Variants in SPTLC3 observed in about 807,000 individuals in gnomAD.
SPTLC3 encodes the protein serine palmitoyltransferase long chain base subunit 3.
In SPTLC3, 36 loss-of-function variants were observed where a neutral mutation model predicts 59.3. The observed-to-expected ratio is 0.61, with a 90% CI of 0.47 to 0.80. The LOEUF is 0.80. SPTLC3 is among the 30% of genes least tolerant of loss of function. SPTLC3 has a pLI of 0.00. For missense variants in SPTLC3, 625 were observed against 685.1 expected (o/e 0.91, Z 0.98); for synonymous variants, 257 against 240.8 (o/e 1.07, Z -0.62).
intron 9 of SPTLC3, among the ~76,000 whole-genome samples, chr20:13,149,684 AC>A (rs1302244933): frequency 1.3e-5 from 2 of 152,208 alleles, no homozygotes; most frequent in Non-Finnish European, 2.9e-5. Flanking sequence ...GAAGAATAAA[AC>A]ATTTAGTTCT....
Position 13,088,880 on chromosome 20 carries a change from C to T in SPTLC3, c.608-2203C>T, listed in dbSNP as rs192236890. On this transcript the variant is annotated intron_variant, in intron 4 of 11. Transcript: ENST00000399002. ...TCCTGACCTTAGGTAATCTGCCCGC[C>T]TCAGTCTCCCAAAGTGCTGGGATTA... is the stretch of plus-strand genomic sequence containing the variant. Among the ~76,000 whole-genome samples the T allele has an allele frequency of 3.8e-3, 573 of 151,736 alleles. 7 individuals are homozygous for T. The highest frequency in any genetic ancestry group is 0.024 in the Middle Eastern group (7 of 292).
rs1458964596 is a variant in SPTLC3 at position 13,165,316 on chromosome 20, A to G, written c.*449A>G. The G allele has an allele frequency of 6.3e-6, 1 of 157,536 alleles. No individual in the cohort carries two copies. The highest frequency in any genetic ancestry group is 1.4e-5 in the Non-Finnish European group (1 of 71,050). The allele number at this position is 157,536 out of a possible 1,614,324, so 9.8% of individuals were successfully genotyped here. A position where few individuals can be genotyped will look rare whatever the true frequency, so the allele number is the denominator to read the frequency against. ...AGCCACCTTCCTTGTTCCACTCATA[A>G]AAGCATCAGCTAGATCTCATCTGTA... On this transcript the variant is annotated 3_prime_UTR_variant, in exon 12 of 12. Transcript: ENST00000399002.
chr20:13,028,650 T>A (rs2122420143), intron 1 of SPTLC3, among the ~76,000 whole-genome samples: 1 of 152,306 alleles, frequency 6.6e-6, no homozygotes, highest in Non-Finnish European at 1.5e-5. Context: ...TGTTATAGAC[T>A]AGTATTTAGG....
At chr20:13,147,349 T>TA (rs1273107725) in intron 9 of SPTLC3, among the ~76,000 whole-genome samples, 9 of 152,206 alleles carry the variant, frequency 5.9e-5, no homozygotes, top group Non-Finnish European at 1.3e-4. Flanking sequence ...ATGTGATTCT[T>TA]ATGATTCTTG....
At chr20:13,075,825 TAAC>T (rs918068347) in intron 4 of SPTLC3, among the ~76,000 whole-genome samples, 4 of 152,264 alleles carry the variant, frequency 2.6e-5, no homozygotes, top group African/African-American at 9.6e-5. Flanking sequence ...ACATTCCTGA[TAAC>T]AACCCCCCAA....
chr20:13,041,604 T>C (rs1192451019), intron 1 of SPTLC3, among the ~76,000 whole-genome samples: 1 of 152,216 alleles, frequency 6.6e-6, no homozygotes, highest in East Asian at 1.9e-4. Flanking sequence ...ATCTTGGTCC[T>C]TCTCATAAGC....
Position 13,091,303 on chromosome 20 carries a change from G to T in SPTLC3, c.732+96G>T, listed in dbSNP as rs560943957. ...TTAGAAGTATGGCTGAGATGGGCAC[G>T]GTGGTTCACGCCTGTAATCCTAGCA... On this transcript the variant is annotated intron_variant, in intron 5 of 11. Coordinates refer to ENST00000399002, the MANE Select transcript of SPTLC3 (RefSeq NM_018327.4). 4.7e-6 allele frequency: 7 copies of T among 1,476,324 alleles called. No individual in the cohort carries two copies. The East Asian group carries it at 9.5e-5, about 20-fold the overall frequency. The allele number at this position is 1,476,324 out of a possible 1,614,324, so 91.5% of individuals were successfully genotyped here. A position where few individuals can be genotyped will look rare whatever the true frequency, so the allele number is the denominator to read the frequency against.
At chr20:13,014,316 G>A (rs1240801075) in intron 1 of SPTLC3, among the ~76,000 whole-genome samples, 1 of 152,206 alleles carries the variant, frequency 6.6e-6, no homozygotes, top group African/African-American at 2.4e-5. Context: ...GAACACAGAA[G>A]AATGTGTATC....
intron 8 of SPTLC3, among the ~76,000 whole-genome samples, chr20:13,124,704 A>G (rs2122783174): frequency 6.6e-6 from 1 of 152,314 alleles, no homozygotes; most frequent in East Asian, 1.9e-4. Context: ...ACTGTAAGGC[A>G]GGCCACACAC....
At chr20:13,049,239 A>T in intron 2 of SPTLC3, 109 bp downstream of exon 2, 1 of 1,245,492 alleles carries the variant, frequency 8.0e-7, no homozygotes, top group Non-Finnish European at 1.1e-6. Flanking sequence ...GTGCTCAGGA[A>T]CTATTCAGGG....
chr20:13,091,001 T>C, intron 4 of SPTLC3, 82 bp from the exon 5 acceptor site: 1 of 1,557,798 alleles, frequency 6.4e-7, no homozygotes, highest in Non-Finnish European at 8.7e-7. Flanking sequence ...CTTTTGGTGA[T>C]GTGTACGTAC....
At chr20:13,059,103 C>T (rs1987844896) in intron 2 of SPTLC3, among the ~76,000 whole-genome samples, 1 of 152,252 alleles carries the variant, frequency 6.6e-6, no homozygotes, top group South Asian at 2.1e-4. Context: ...TTGACCAGGT[C>T]ACAATGCTCC....
At chr20:13,088,494 C>T (rs1989082943) in intron 4 of SPTLC3, among the ~76,000 whole-genome samples, 1 of 151,940 alleles carries the variant, frequency 6.6e-6, no homozygotes, top group African/African-American at 2.4e-5. Context: ...GCCACCACGC[C>T]CAGCTAATTT....
intron 7 of SPTLC3, among the ~76,000 whole-genome samples, chr20:13,111,637 T>C (rs925247587): frequency 1.3e-5 from 2 of 152,182 alleles, no homozygotes; most frequent in East Asian, 1.9e-4. Context: ...TTTTTCCCTG[T>C]GTGATTTGTG....
At chr20:13,047,034 AAAT>A (rs1445881708) in intron 1 of SPTLC3, among the ~76,000 whole-genome samples, 1 of 152,214 alleles carries the variant, frequency 6.6e-6, no homozygotes, top group Non-Finnish European at 1.5e-5. Context: ...AATAATAAAT[AAAT>A]AAGGAGGCAA....
chr20:13,060,722 AG>A (rs1334328801), intron 2 of SPTLC3, among the ~76,000 whole-genome samples: 1 of 149,460 alleles, frequency 6.7e-6, no homozygotes, highest in East Asian at 2.0e-4. Context: ...TCTGTGTGTG[AG>A]TTGTTTCACT....
In SPTLC3 at chr20:13,168,721, A is replaced by G. The variant is rs2039014842; in HGVS notation, c.*3854A>G. 6.6e-6 allele frequency: 1 copy of G among 152,192 alleles called. No individual in the cohort carries two copies. The allele number at this position is 152,192 out of a possible 1,614,324, so 9.4% of individuals were successfully genotyped here. On this transcript the variant is annotated 3_prime_UTR_variant, in exon 12 of 12. Transcript: ENST00000399002. ...CATTAACTCTTAAATATACATTTTG[A>G]TTTATAGCAATAATAACAATTGTAA...
In SPTLC3 at chr20:13,009,060, G is replaced by A. The variant is rs1441910193; in HGVS notation, c.-208G>A. 2.1e-6 allele frequency: 1 copy of A among 483,498 alleles called. No homozygotes were observed. Among genetic ancestry groups the A allele is most frequent in the East Asian group, 3.6e-5 (1 of 27,960 alleles). 30.0% of individuals were successfully genotyped at this position (483,498 alleles called of 1,614,324 possible). A position where few individuals can be genotyped will look rare whatever the true frequency, so the allele number is the denominator to read the frequency against. ...TGGAGTTCACATTTTGACGGGAGTT[G>A]AGAAGTATAAAGGTAACCATTTGTT... On this transcript the variant is annotated 5_prime_UTR_variant, in exon 1 of 12. Transcript: ENST00000399002.
At chr20:13,015,941 A>T (rs2122367375) in intron 1 of SPTLC3, among the ~76,000 whole-genome samples, 1 of 152,238 alleles carries the variant, frequency 6.6e-6, no homozygotes. Context: ...ATAAAAATCA[A>T]ATATTTATTT....
Sources: allele counts gnomAD v4.1 joint callset (sites outside exome capture counted in the v4.1 genomes callset), GRCh38; gene constraint gnomAD v4.1.1; transcripts MANE v1.5; gene names NCBI Gene and HGNC (gene_info 2026-07-23, HGNC 2026-07-21).